Variants in CNTNAP3B observed in about 807,000 individuals in gnomAD.
CNTNAP3B encodes contactin-associated protein-like 3B.
A neutral mutation model predicts 108.9 loss-of-function variants in CNTNAP3B; 25 were observed. The ratio of observed to expected loss-of-function variants is 0.23; its 90% CI spans 0.17 to 0.32. CNTNAP3B has a LOEUF of 0.32. CNTNAP3B is among the 10% of genes least tolerant of loss of function. The pLI, the probability that CNTNAP3B is intolerant of heterozygous loss-of-function variation, is 1.00. For missense variants in CNTNAP3B, 252 were observed against 1,210.4 expected (o/e 0.21, Z 11.75); for synonymous variants, 103 against 473.4 (o/e 0.22, Z 10.16).
intron 13 of CNTNAP3B, among the ~76,000 whole-genome samples, chr9:41,951,927 A>G (rs1313724789): frequency 6.6e-6 from 1 of 152,230 alleles, no homozygotes; most frequent in African/African-American, 2.4e-5. Context: ...AAATACAAAA[A>G]TTAGCCGGGC....
At chr9:41,943,435 C>A (rs1824424690) in intron 13 of CNTNAP3B, among the ~76,000 whole-genome samples, 1 of 149,208 alleles carries the variant, frequency 6.7e-6, no homozygotes, top group African/African-American at 2.5e-5. Flanking sequence ...TCACTGCAAG[C>A]TCCGCCTCCT....
rs1235504641 is a variant in CNTNAP3B, at chr9:42,019,452, C to T, written c.391-5927G>A. ...GAGGCTTCAGTTTAGCTGGAAAGCA[C>T]GCTACAAAGTACTACGGGGCCAGGC... On this transcript the variant is annotated intron_variant, in intron 3 of 23. Coordinates refer to ENST00000377561, the MANE Select transcript of CNTNAP3B (RefSeq NM_001201380.3). 2.8e-3 allele frequency among the ~76,000 whole-genome samples: 228 copies of T among 80,566 alleles called. 2 individuals carry two copies. Among genetic ancestry groups the T allele is most frequent in the Non-Finnish European group, 4.2e-3 (174 of 41,436 alleles). 52.9% of individuals were successfully genotyped at this position (80,566 alleles called of 152,430 possible). A position where few individuals can be genotyped will look rare whatever the true frequency, so the allele number is the denominator to read the frequency against.
chr9:42,121,550 C>A (rs1828461919), intron 1 of CNTNAP3B, among the ~76,000 whole-genome samples: 1 of 139,030 alleles, frequency 7.2e-6, no homozygotes, highest in Admixed American at 7.2e-5. Context: ...TCAACCCCGG[C>A]CACCCAGGAG....
At chr9:42,119,989 C>G (rs1395988959) in intron 1 of CNTNAP3B, among the ~76,000 whole-genome samples, 1 of 144,370 alleles carries the variant, frequency 6.9e-6, no homozygotes, top group Non-Finnish European at 1.5e-5. Context: ...TCTAATTAAA[C>G]TAAAGAGCTT....
chr9:41,999,516 ACT>A lies in CNTNAP3B; in HGVS notation c.539-914_539-913del, dbSNP rs1190336104. Among the ~76,000 whole-genome samples the A allele has an allele frequency of 4.1e-4, 43 of 104,880 alleles. 1 individual carries two copies. The highest frequency in any genetic ancestry group is 4.2e-4 in the Non-Finnish European group (22 of 52,686). 68.8% of individuals were successfully genotyped at this position (104,880 alleles called of 152,430 possible). On this transcript the variant is annotated intron_variant, in intron 4 of 23. Transcript: ENST00000377561. ...CAATCAGGTAAGCCAATTCCTTAAA[ACT>A]CTCTCTCTCTCTCTACACACACACA... is the stretch of plus-strand genomic sequence containing the variant.
chr9:41,944,231 CAG>C (rs1824454150), intron 13 of CNTNAP3B, among the ~76,000 whole-genome samples: 1 of 147,542 alleles, frequency 6.8e-6, no homozygotes. Context: ...GTCAAAAACA[CAG>C]AAATACATAA....
At chr9:41,955,615 C>T (rs1308712106) in intron 12 of CNTNAP3B, among the ~76,000 whole-genome samples, 3 of 152,238 alleles carry the variant, frequency 2.0e-5, no homozygotes, top group African/African-American at 4.8e-5. Flanking sequence ...ACTGCAGCCT[C>T]GACCTCCTGG....
chr9:41,931,784 C>T (rs968507475), intron 14 of CNTNAP3B, among the ~76,000 whole-genome samples: 1 of 130,706 alleles, frequency 7.7e-6, no homozygotes, highest in Non-Finnish European at 1.7e-5. Flanking sequence ...TTACCATTTC[C>T]AATTCTGTGA....
At chr9:41,925,032 A>G (rs1300856096) in intron 15 of CNTNAP3B, among the ~76,000 whole-genome samples, 3 of 151,846 alleles carry the variant, frequency 2.0e-5, no homozygotes, top group African/African-American at 7.3e-5. Flanking sequence ...TAAGCCCATC[A>G]CTGGTCCTGT....
intron 3 of CNTNAP3B, among the ~76,000 whole-genome samples, chr9:42,045,673 T>A (rs1206914844): frequency 6.7e-6 from 1 of 149,628 alleles, no homozygotes; most frequent in East Asian, 2.0e-4. Context: ...CACTGATGAG[T>A]GGAATGGATA....
chr9:41,958,188 G>A (rs1259944845), intron 12 of CNTNAP3B, among the ~76,000 whole-genome samples: 1 of 151,982 alleles, frequency 6.6e-6, no homozygotes, highest in Non-Finnish European at 1.5e-5. Context: ...GCTCACTGCA[G>A]TCTCCAACTC....
intron 11 of CNTNAP3B, 57 bp from the exon 12 acceptor site, chr9:41,960,949 G>C (rs1446299910): frequency 6.4e-7 from 1 of 1,559,936 alleles, no homozygotes; most frequent in Non-Finnish European, 8.6e-7. Flanking sequence ...TGTTGAGTCA[G>C]TGTCCAAAGG....
chr9:41,986,738 A>C (rs1383517296), intron 8 of CNTNAP3B, among the ~76,000 whole-genome samples: 17 of 148,304 alleles, frequency 1.1e-4, no homozygotes, highest in African/African-American at 4.3e-4. Flanking sequence ...GATTGTGAAA[A>C]GGTTTTTTTA....
At chr9:41,966,859 C>T (rs1447677723) in intron 10 of CNTNAP3B, among the ~76,000 whole-genome samples, 4 of 149,840 alleles carry the variant, frequency 2.7e-5, no homozygotes, top group East Asian at 1.9e-4. Flanking sequence ...TCCAGCTACT[C>T]GGGAGGCCGA....
chr9:41,996,291 A>G lies in CNTNAP3B; in HGVS notation c.985T>C (p.Phe329Leu). Residue 329 changes from phenylalanine (F) to leucine (L), a missense_variant, in exon 7 of 24, where the codon TTT (phenylalanine) becomes CTT (leucine). Phe to Leu is a conservative substitution (Grantham distance 22). Transcript: ENST00000377561. ...TAAAGATTTTCTAAACACCCATGAA[A>G]GCTTTTACGTGTGAATGCCCGTGAT... ...GRSRAFTRKS[F>L]HGCLENLYYN... 1 of 1,540,972 alleles carries G rather than the reference A, an allele frequency of 6.5e-7. No homozygotes were observed. The highest frequency in any genetic ancestry group is 8.8e-7 in the Non-Finnish European group (1 of 1,137,888).
rs1046469262 is a variant in CNTNAP3B at position 42,113,525 on chromosome 9, C to A, written c.86-8786G>T. Among the ~76,000 whole-genome samples the A allele has an allele frequency of 1.4e-5, 2 of 138,388 alleles. 1 individual carries two copies. The highest frequency in any genetic ancestry group is 5.7e-5 in the African/African-American group (2 of 34,788). The allele number at this position is 138,388 out of a possible 152,430, so 90.8% of individuals were successfully genotyped here. ...AAGTCGTGCAGAAAGACATCAGACA[C>A]GACACAGAAAAAAATACAACAACAC... is the stretch of plus-strand genomic sequence containing the variant. On this transcript the variant is annotated intron_variant, in intron 1 of 23. Coordinates refer to ENST00000377561, the MANE Select transcript of CNTNAP3B (RefSeq NM_001201380.3).
chr9:41,937,380 G>A (rs1824191029), intron 14 of CNTNAP3B, among the ~76,000 whole-genome samples: 2 of 151,622 alleles, frequency 1.3e-5, no homozygotes, highest in Non-Finnish European at 2.9e-5. Context: ...ACCTGCCTTG[G>A]CCTCCCAAAG....
intron 13 of CNTNAP3B, 46 bp downstream of exon 13, chr9:41,953,137 C>A (rs778084764): frequency 6.8e-6 from 10 of 1,468,526 alleles, no homozygotes; most frequent in East Asian, 2.8e-5. Flanking sequence ...CCGAGGGCCG[C>A]GCCCCGGCCT....
chr9:42,099,747 A>C (rs1320114013), intron 2 of CNTNAP3B, among the ~76,000 whole-genome samples: 1 of 109,382 alleles, frequency 9.1e-6, no homozygotes, highest in East Asian at 3.5e-4. Flanking sequence ...GCAATTGCAG[A>C]GGTGTCAAGC....
Sources: gnomAD v4.1 joint callset for allele counts (sites outside exome capture counted in the v4.1 genomes callset) on GRCh38, gnomAD v4.1.1 for gene constraint, MANE v1.5 for transcripts, NCBI Gene and HGNC (gene_info 2026-07-23, HGNC 2026-07-21) for gene names.